The following PRKCA variants were observed in gnomAD, a reference collection of about 807,000 sequenced individuals.
The protein encoded by PRKCA is protein kinase C alpha.
A neutral mutation model predicts 87.0 loss-of-function variants in PRKCA; 27 were observed. The ratio of observed to expected loss-of-function variants is 0.31; its 90% CI spans 0.23 to 0.43. The LOEUF (loss-of-function observed/expected upper bound fraction) is 0.43, where lower values mean the gene tolerates loss of function less well. Ranked by LOEUF, PRKCA falls within the 20% of genes least tolerant of loss-of-function variation. PRKCA has a pLI of 1.00. For synonymous variants in PRKCA, 329 were observed against 311.1 expected (o/e 1.06, Z -0.61); for missense variants, 518 against 852.3 (o/e 0.61, Z 4.88).
chr17:66,448,802 G>A (rs1455581811), intron 2 of PRKCA, among the ~76,000 whole-genome samples: 1 of 151,580 alleles, frequency 6.6e-6, no homozygotes, highest in Non-Finnish European at 1.5e-5. Flanking sequence ...CTTTAGATAA[G>A]TGAGTCTAAT....
chr17:66,757,885 T>C (rs1974592283), intron 13 of PRKCA, among the ~76,000 whole-genome samples: 1 of 152,166 alleles, frequency 6.6e-6, no homozygotes, highest in Admixed American at 6.5e-5. Context: ...CCACCATGCC[T>C]GGCTAATGTT....
chr17:66,409,383 C>T (rs1030388865), intron 2 of PRKCA, among the ~76,000 whole-genome samples: 4 of 152,144 alleles, frequency 2.6e-5, no homozygotes, highest in African/African-American at 9.7e-5. Context: ...CTCCTGTGGA[C>T]CATGTCTGTT....
At chr17:66,762,643 C>G (rs528532895) in intron 13 of PRKCA, among the ~76,000 whole-genome samples, 13 of 152,302 alleles carry the variant, frequency 8.5e-5, no homozygotes, top group African/African-American at 2.9e-4. Context: ...GCTCTGGTCT[C>G]TGTTCTGATG....
intron 13 of PRKCA, among the ~76,000 whole-genome samples, chr17:66,747,973 G>A (rs866629886): frequency 6.6e-6 from 1 of 152,234 alleles, no homozygotes; most frequent in Non-Finnish European, 1.5e-5. Flanking sequence ...GAGGGCCTTG[G>A]GGCTGGAGGC....
intron 2 of PRKCA, among the ~76,000 whole-genome samples, chr17:66,431,703 C>T (rs1212506528): frequency 6.6e-6 from 1 of 152,184 alleles, no homozygotes; most frequent in Non-Finnish European, 1.5e-5. Flanking sequence ...TAAATTCCTT[C>T]TGAAACTAAG....
intron 3 of PRKCA, among the ~76,000 whole-genome samples, chr17:66,594,161 C>T (rs1969900052): frequency 6.6e-6 from 1 of 152,246 alleles, no homozygotes; most frequent in South Asian, 2.1e-4. Context: ...CCAAGCCTTT[C>T]TCTTTTTCCC....
chr17:66,374,361 T>A (rs1434121298), intron 2 of PRKCA, among the ~76,000 whole-genome samples: 1 of 152,060 alleles, frequency 6.6e-6, no homozygotes, highest in Non-Finnish European at 1.5e-5. Context: ...GTGTTCCGCC[T>A]CCTAAGAGAC....
intron 2 of PRKCA, among the ~76,000 whole-genome samples, chr17:66,381,615 G>T (rs1263654015): frequency 6.6e-6 from 1 of 152,190 alleles, no homozygotes; most frequent in African/African-American, 2.4e-5. Flanking sequence ...CAAGGAGTCA[G>T]ATTTGCCTAT....
intron 2 of PRKCA, among the ~76,000 whole-genome samples, chr17:66,310,305 A>G (rs1184733483): frequency 6.6e-6 from 1 of 152,026 alleles, no homozygotes. Flanking sequence ...CTCAAGAGAC[A>G]GCGTGAGAAT....
chr17:66,571,583 A>G (rs1019536552), intron 3 of PRKCA, among the ~76,000 whole-genome samples: 27 of 152,320 alleles, frequency 1.8e-4, no homozygotes, highest in African/African-American at 6.5e-4. Context: ...GAAAGAGGGA[A>G]AAAAACCCCA....
chr17:66,791,658 G>A (rs916164527), intron 16 of PRKCA, among the ~76,000 whole-genome samples: 9 of 152,222 alleles, frequency 5.9e-5, no homozygotes, highest in East Asian at 1.9e-4. Flanking sequence ...TGGCACCACC[G>A]CCTTCAGCGG....
At chr17:66,793,672 C>T (rs58084648) in intron 16 of PRKCA, among the ~76,000 whole-genome samples, 12,383 of 150,294 alleles carry the variant, frequency 0.082, 747 homozygotes, top group East Asian at 0.18. Flanking sequence ...AAACAGATGT[C>T]GCCTCTGGAA....
chr17:66,370,944 G>T (rs1909073081), intron 2 of PRKCA, among the ~76,000 whole-genome samples: 1 of 152,184 alleles, frequency 6.6e-6, no homozygotes, highest in Non-Finnish European at 1.5e-5. Context: ...TAAGCTAGAT[G>T]CAGGGGCAGG....
intron 13 of PRKCA, among the ~76,000 whole-genome samples, chr17:66,765,465 TA>T (rs1974791524): frequency 7.1e-6 from 1 of 141,178 alleles, no homozygotes; most frequent in Non-Finnish European, 1.5e-5. Context: ...TCCATATATA[TA>T]CATATTTGTC....
At chr17:66,366,208 TGTG>T (rs1908711406) in intron 2 of PRKCA, among the ~76,000 whole-genome samples, 1 of 152,152 alleles carries the variant, frequency 6.6e-6, no homozygotes, top group African/African-American at 2.4e-5. Flanking sequence ...GATCTTTTTA[TGTG>T]TTTTATTCAT....
At position 66,386,242 on chromosome 17, in the gene PRKCA, C is replaced by T. The variant is rs542620175; in HGVS notation, c.205+80115C>T. ...AACAGTATAGATCTTGGACCTCTTT[C>T]ACCATCAGCACAGAGACATAACTTA... On this transcript the variant is annotated intron_variant, in intron 2 of 16. Coordinates refer to ENST00000413366, the MANE Select transcript of PRKCA (RefSeq NM_002737.3). 8.5e-5 allele frequency among the ~76,000 whole-genome samples: 13 copies of T among 152,292 alleles called. No homozygotes were observed. In the South Asian group the frequency reaches 2.3e-3, roughly 27 times the overall value.
chr17:66,724,250 C>T (rs1023119761), intron 8 of PRKCA, among the ~76,000 whole-genome samples: 2 of 151,190 alleles, frequency 1.3e-5, no homozygotes, highest in Non-Finnish European at 2.9e-5. Flanking sequence ...GAGCCAAGAT[C>T]GCGCCACTGT....
chr17:66,795,828 A>T (rs895735087), intron 16 of PRKCA, among the ~76,000 whole-genome samples: 36 of 152,206 alleles, frequency 2.4e-4, no homozygotes, highest in African/African-American at 8.7e-4. Flanking sequence ...ACATGTTTTT[A>T]TTCCATAGAT....
chr17:66,680,720 C>T (rs1972466661), intron 5 of PRKCA, among the ~76,000 whole-genome samples: 1 of 152,128 alleles, frequency 6.6e-6, no homozygotes, highest in Admixed American at 6.5e-5. Context: ...CCTTCAGAAC[C>T]TCTGCATGAC....
Sources: gnomAD v4.1 joint callset for allele counts (sites outside exome capture counted in the v4.1 genomes callset) on GRCh38, gnomAD v4.1.1 for gene constraint, MANE v1.5 for transcripts, NCBI Gene and HGNC (gene_info 2026-07-23, HGNC 2026-07-21) for gene names.